The following COL5A3 variants were observed in gnomAD, a reference collection of about 807,000 sequenced individuals.
The protein encoded by COL5A3 is collagen alpha-3(V) chain.
COL5A3 carries 172 observed loss-of-function variants against 250.0 expected under a neutral mutation model. The ratio of observed to expected loss-of-function variants is 0.69; its 90% CI spans 0.61 to 0.78. The LOEUF (loss-of-function observed/expected upper bound fraction) is 0.78, where lower values mean the gene tolerates loss of function less well. COL5A3 is among the 30% of genes least tolerant of loss of function. COL5A3 has a pLI of 0.00. For synonymous variants in COL5A3, 937 were observed against 900.4 expected, an observed-to-expected ratio of 1.04 and a Z score of -0.73; for missense variants, 2,340 against 2,334.4, an observed-to-expected ratio of 1.00 and a Z score of -0.05.
intron 6 of COL5A3, among the ~76,000 whole-genome samples, chr19:10,003,355 C>A (rs1318293278): frequency 6.6e-6 from 1 of 152,102 alleles, no homozygotes; most frequent in Non-Finnish European, 1.5e-5. Context: ...GACCCACCCC[C>A]ACCCTGTTAT....
Position 9,962,111 on chromosome 19 carries a change from CT to C in COL5A3, c.4851+707del, listed in dbSNP as rs200363567. 5.6e-3 allele frequency among the ~76,000 whole-genome samples: 789 copies of C among 141,736 alleles called. 4 individuals are homozygous for C. Among genetic ancestry groups the C allele is most frequent in the African/African-American group, 0.014 (540 of 38,852 alleles). The allele number at this position is 141,736 out of a possible 152,430, so 93.0% of individuals were successfully genotyped here. A position where few individuals can be genotyped will look rare whatever the true frequency, so the allele number is the denominator to read the frequency against. Reference sequence around the variant, plus strand: ...AAAAATACAAAATATCTTAATAATGCTTTTTTTTTTTTTGAGACGGAATCTC... The same window carrying C: ...AAAAATACAAAATATCTTAATAATGCTTTTTTTTTTTTGAGACGGAATCTC... On this transcript the variant is annotated intron_variant, in intron 65 of 66. Coordinates refer to ENST00000264828, the MANE Select transcript of COL5A3 (RefSeq NM_015719.4).
chr19:9,996,603 T>C lies in COL5A3; in HGVS notation c.1338+12A>G, dbSNP rs1184493233. On this transcript the variant is annotated intron_variant, in intron 12 of 66. Coordinates refer to ENST00000264828, the MANE Select transcript of COL5A3 (RefSeq NM_015719.4). The stretch of plus-strand genomic sequence containing the variant: ...CACTCCCCAAGGCTGGGCCACTCCA[T>C]CTCCTTCTTACCGGCATCATGATCA... The C allele has an allele frequency of 6.2e-7, 1 of 1,613,814 alleles. No individual in the cohort carries two copies. Among genetic ancestry groups the C allele is most frequent in the Non-Finnish European group, 8.5e-7 (1 of 1,179,894 alleles).
In COL5A3 at chr19:9,977,594, C is replaced by A; in HGVS notation, c.3126G>T (p.Arg1042=). The part of the protein sequence containing the change: ...PVGPAGKKGS[R]GERGPPGPTG... ...GGAATGGGATGGGCAAGTCACTTAC[C>A]CGGGACCCCTTCTTGCCTGCAGGGC... The change falls in exon 42 of 67, where the codon CGG becomes CGT. Residue 1042 remains arginine (R), a splice_region_variant and synonymous_variant. Coordinates refer to ENST00000264828, the MANE Select transcript of COL5A3 (RefSeq NM_015719.4). The A allele has an allele frequency of 6.3e-7, 1 of 1,580,340 alleles. No individual in the cohort carries two copies. Among genetic ancestry groups the A allele is most frequent in the South Asian group, 1.2e-5 (1 of 85,498 alleles).
intron 51 of COL5A3, 115 bp downstream of exon 51, chr19:9,972,804 C>T (rs1599537118): frequency 1.4e-6 from 1 of 690,870 alleles, no homozygotes; most frequent in South Asian, 2.3e-5. Flanking sequence ...CCACTGCACT[C>T]CAGCCTGGTG....
At position 9,966,602 on chromosome 19, in the gene COL5A3, CG is replaced by C. The variant is rs1008797937; in HGVS notation, c.4602del (p.Gly1535AlafsTer61). 2.0e-5 allele frequency: 31 copies of C among 1,540,044 alleles called. No individual in the cohort carries two copies. The highest frequency in any genetic ancestry group is 2.6e-5 in the Non-Finnish European group (30 of 1,147,092). ...SLELEQLRRP[P>X]GTAERPGLVC... ...ACGAGGCCCGGGCGCTCCGCAGTGC[CG>C]GGAGGACGCCGCAGCTGCTCCAGCT... On this transcript the variant is annotated frameshift_variant, in exon 63 of 67. Coordinates refer to ENST00000264828, the MANE Select transcript of COL5A3 (RefSeq NM_015719.4). LOFTEE classifies it high-confidence loss of function.
At chr19:9,987,409 G>A (rs1306972161) in intron 27 of COL5A3, among the ~76,000 whole-genome samples, 2 of 152,234 alleles carry the variant, frequency 1.3e-5, no homozygotes, top group African/African-American at 2.4e-5. Flanking sequence ...TGGCTACAAT[G>A]TAACTAGACT....
rs768885357 is a variant in COL5A3, at chr19:9,980,852, C to T, written c.2513G>A (p.Arg838His). ...GGCACCCGGTTGCCCCCTCTCTCCA[C>T]GGGAACCCTGAACAAAAAAAAAAGG... The part of the protein sequence containing the change: ...LEGERGPPGS[R>H]GERGQPGATG... Residue 838 changes from arginine to histidine, a missense_variant, in exon 34 of 67, where the codon CGT (arginine) becomes CAT (histidine). Transcript: ENST00000264828. 24 of 1,609,124 alleles carry T rather than the reference C, an allele frequency of 1.5e-5. No individual in the cohort carries two copies. Among genetic ancestry groups the T allele is most frequent in the African/African-American group, 8.1e-5 (6 of 74,438 alleles).
At chr19:9,991,444 A>G (rs1367440662) in intron 24 of COL5A3, among the ~76,000 whole-genome samples, 166 bp downstream of exon 24, 3 of 151,864 alleles carry the variant, frequency 2.0e-5, no homozygotes, top group African/African-American at 7.3e-5. Flanking sequence ...CTTGCAACCA[A>G]TCCTTCCCCA....
At chr19:9,970,372 G>A in intron 54 of COL5A3, among the ~76,000 whole-genome samples, 1 of 139,240 alleles carries the variant, frequency 7.2e-6, no homozygotes, top group African/African-American at 2.7e-5. Flanking sequence ...GGGTCTGTGG[G>A]GTAAGCGGGG....
chr19:9,969,529 G>A (rs2086798793), intron 56 of COL5A3, 46 bp downstream of exon 56: 2 of 1,601,116 alleles, frequency 1.2e-6, no homozygotes, highest in East Asian at 2.2e-5. Flanking sequence ...AGCAGACAGA[G>A]AGGAGCTGGA....
At chr19:9,965,805 G>A (rs1048650458) in intron 64 of COL5A3, among the ~76,000 whole-genome samples, 1 of 152,060 alleles carries the variant, frequency 6.6e-6, no homozygotes, top group African/African-American at 2.4e-5. Flanking sequence ...GAAGGTATGA[G>A]TTCCATAAAA....
Position 9,971,028 on chromosome 19 carries a change from C to T in COL5A3, c.3829G>A (p.Gly1277Ser), listed in dbSNP as rs1321369959. The T allele has an allele frequency of 1.3e-6, 2 of 1,530,582 alleles. No individual in the cohort carries two copies. The highest frequency in any genetic ancestry group is 1.7e-6 in the Non-Finnish European group (2 of 1,145,786). 94.8% of individuals were successfully genotyped at this position (1,530,582 alleles called of 1,614,324 possible). Residue 1277 changes from glycine (G) to serine (S), a missense_variant and splice_region_variant, in exon 53 of 67, where the codon GGC (glycine) becomes AGC (serine). Around this residue, in one of 3 missense-constraint regions of COL5A3, gnomAD observed 1,179 missense variants for 1,162.6 expected, o/e 1.01. Transcript: ENST00000264828. ...LGPPGDPGVS[G>S]IDGSPGEKGD... ...TTCTCCCCTGGGGAACCATCTATGC[C>T]CTGCATGGGGGGAAGACAGAGTTGG...
chr19:9,976,089 G>A (rs1367712856), intron 45 of COL5A3, among the ~76,000 whole-genome samples: 1 of 151,466 alleles, frequency 6.6e-6, no homozygotes, highest in Non-Finnish European at 1.5e-5. Context: ...TCAGCATTGA[G>A]GGGAAGACAT....
chr19:10,001,605 A>G lies in COL5A3; in HGVS notation c.1029T>C (p.Asp343=). 1 of 1,613,904 alleles carries G rather than the reference A, an allele frequency of 6.2e-7. No individual in the cohort carries two copies. The highest frequency in any genetic ancestry group is 8.5e-7 in the Non-Finnish European group (1 of 1,179,976). ...GTLETKAARE[D]EEGDDSTMGP... ...CCATGGTGGAATCATCTCCTTCTTC[A>G]TCCTCCCTGGCTGCCTTGGTCTCCA... The change falls in exon 8 of 67, where the codon GAT becomes GAC. Residue 343 remains aspartate (D), a synonymous_variant. Coordinates refer to ENST00000264828, the MANE Select transcript of COL5A3 (RefSeq NM_015719.4).
rs2087257610 is a variant in COL5A3 at position 9,995,596 on chromosome 19, G to T, written c.1555C>A (p.Pro519Thr). Residue 519 changes from proline (P) to threonine (T), a missense_variant, in exon 16 of 67, where the codon CCT (proline) becomes ACT (threonine). Pro to Thr is a conservative substitution (Grantham distance 38). Transcript: ENST00000264828. ...CCCACTCGGCCAGGGGGTCCATGAG[G>T]TCCCTGCAGGCCTCGGGGACCCTAG... The part of the protein sequence containing the change: ...GPQGPRGLQG[P>T]HGPPGRVGKM... The T allele has an allele frequency of 1.2e-6, 2 of 1,606,004 alleles. No individual in the cohort carries two copies. Among genetic ancestry groups the T allele is most frequent in the Non-Finnish European group, 1.7e-6 (2 of 1,175,878 alleles).
intron 31 of COL5A3, among the ~76,000 whole-genome samples, chr19:9,985,594 C>A (rs187692472): frequency 6.6e-6 from 1 of 152,092 alleles, no homozygotes; most frequent in Admixed American, 6.6e-5. Context: ...TTCATAGGGA[C>A]CACGTTTTGC....
chr19:10,003,989 G>A (rs2087401444), intron 5 of COL5A3, 52 bp downstream of exon 5: 3 of 1,409,112 alleles, frequency 2.1e-6, no homozygotes, highest in Non-Finnish European at 3.0e-6. Context: ...CTGGAGCCAG[G>A]AAGGACCCAG....
intron 51 of COL5A3, among the ~76,000 whole-genome samples, chr19:9,972,228 T>G (rs2086858578): frequency 6.6e-6 from 1 of 152,248 alleles, no homozygotes; most frequent in Non-Finnish European, 1.5e-5. Flanking sequence ...CATTCACATA[T>G]TCATATATCC....
At chr19:9,990,247 A>G (rs570123834) in intron 24 of COL5A3, among the ~76,000 whole-genome samples, 1 of 151,814 alleles carries the variant, frequency 6.6e-6, no homozygotes, top group South Asian at 2.1e-4. Flanking sequence ...TACAAAAATT[A>G]GCTGGGCGTA....
Sources: allele counts gnomAD v4.1 joint callset (sites outside exome capture counted in the v4.1 genomes callset), GRCh38; gene constraint gnomAD v4.1.1; regional missense constraint gnomAD v4.1.1; transcripts MANE v1.5; gene names NCBI Gene and HGNC (gene_info 2026-07-23, HGNC 2026-07-21).